The following DACH1 variants were observed in gnomAD, a reference collection of about 807,000 sequenced individuals.
DACH1 encodes dachshund family transcription factor 1.
DACH1 carries 12 observed loss-of-function variants against 54.2 expected under a neutral mutation model. The observed-to-expected ratio is 0.22, with a 90% CI of 0.14 to 0.36. The LOEUF (loss-of-function observed/expected upper bound fraction) is 0.36. DACH1 is among the 10% of genes least tolerant of loss of function. The probability of loss-of-function intolerance (pLI) is 1.00; values close to 1 mark genes in which losing one functional copy is unlikely to be tolerated. For synonymous variants in DACH1, 386 were observed against 366.2 expected (o/e 1.05, Z -0.62); for missense variants, 805 against 929.8 (o/e 0.87, Z 1.75).
intron 2 of DACH1, among the ~76,000 whole-genome samples, chr13:71,644,882 G>A (rs1878158480): frequency 6.6e-6 from 1 of 152,198 alleles, no homozygotes; most frequent in Admixed American, 6.5e-5. Flanking sequence ...CAAGGATGGA[G>A]CAGGTTTATA....
chr13:71,742,063 T>C (rs1884411433), intron 1 of DACH1, among the ~76,000 whole-genome samples: 1 of 152,170 alleles, frequency 6.6e-6, no homozygotes, highest in South Asian at 2.1e-4. Flanking sequence ...CTATTCTTAA[T>C]GACAATGAAT....
intron 6 of DACH1, among the ~76,000 whole-genome samples, chr13:71,516,033 G>T (rs576855539): frequency 2.6e-5 from 4 of 151,860 alleles, no homozygotes; most frequent in Non-Finnish European, 5.9e-5. Context: ...CAATAAGCAC[G>T]TTGGTAGGAG....
intron 4 of DACH1, 21 bp from the exon 5 acceptor site, chr13:71,559,976 A>C: frequency 6.7e-7 from 1 of 1,495,332 alleles, no homozygotes; most frequent in African/African-American, 1.4e-5. Context: ...AAGAGAGGGA[A>C]GGAGGGTAGA....
chr13:71,529,050 C>G (rs960920111), intron 6 of DACH1, among the ~76,000 whole-genome samples: 3 of 151,724 alleles, frequency 2.0e-5, no homozygotes, highest in African/African-American at 7.3e-5. Flanking sequence ...ATATATTTAC[C>G]AAAAGTGAAA....
intron 3 of DACH1, among the ~76,000 whole-genome samples, chr13:71,577,786 A>T (rs1005435113): frequency 2.0e-5 from 3 of 152,238 alleles, no homozygotes; most frequent in African/African-American, 7.2e-5. Flanking sequence ...ATTTTTAGGT[A>T]GGAAAGGGAA....
At chr13:71,763,687 CATTCCTCCATTTAT>C (rs1885496493) in intron 1 of DACH1, among the ~76,000 whole-genome samples, 1 of 152,140 alleles carries the variant, frequency 6.6e-6, no homozygotes, top group Non-Finnish European at 1.5e-5. Context: ...TGAGACTCTG[CATTCCTCCATTTAT>C]ATTCCTTTTT....
chr13:71,475,893 T>C, intron 8 of DACH1, 44 bp from the exon 9 acceptor site: 1 of 1,340,972 alleles, frequency 7.5e-7, no homozygotes, highest in Non-Finnish European at 9.9e-7. Flanking sequence ...TTTTTAAATT[T>C]TCATAATGCT....
At chr13:71,617,358 T>C (rs1246224112) in intron 3 of DACH1, among the ~76,000 whole-genome samples, 1 of 152,192 alleles carries the variant, frequency 6.6e-6, no homozygotes, top group African/African-American at 2.4e-5. Context: ...TTTCTCAACA[T>C]TCATGATTTA....
chr13:71,697,022 G>A (rs980989569), intron 1 of DACH1, among the ~76,000 whole-genome samples: 14 of 152,172 alleles, frequency 9.2e-5, no homozygotes, highest in East Asian at 1.9e-4. Flanking sequence ...CAACCACTAC[G>A]CAAAGTGCAC....
intron 1 of DACH1, among the ~76,000 whole-genome samples, chr13:71,723,762 C>G (rs1257434321): frequency 6.6e-6 from 1 of 152,164 alleles, no homozygotes; most frequent in African/African-American, 2.4e-5. Flanking sequence ...GCTGTCTTGG[C>G]TTACTGCAAC....
At chr13:71,862,631 G>A (rs1874432918) in intron 1 of DACH1, among the ~76,000 whole-genome samples, 1 of 151,942 alleles carries the variant, frequency 6.6e-6, no homozygotes, top group African/African-American at 2.4e-5. Flanking sequence ...TTGTGGTAAT[G>A]ACAGATGGCT....
intron 1 of DACH1, among the ~76,000 whole-genome samples, chr13:71,805,254 G>A (rs534871820): frequency 1.3e-5 from 2 of 152,174 alleles, no homozygotes; most frequent in African/African-American, 4.8e-5. Context: ...AACAAGGAGG[G>A]AATCTTGATG....
rs141416685 is a variant in DACH1 at position 71,499,178 on chromosome 13, T to A, written c.1571-10030A>T. 1.7e-3 allele frequency among the ~76,000 whole-genome samples: 198 copies of A among 117,658 alleles called. 2 individuals carry two copies. In the East Asian group the frequency reaches 0.042, roughly 25 times the overall value. The allele number at this position is 117,658 out of a possible 152,430, so 77.2% of individuals were successfully genotyped here. On this transcript the variant is annotated intron_variant, in intron 6 of 10. Coordinates refer to ENST00000613252, the MANE Select transcript of DACH1 (RefSeq NM_080759.6). ...ACACACTGATTTAACTTTCAAATAT[T>A]TTGGGTTGCATTCACATCTGCTTGA...
At chr13:71,812,025 G>T (rs116590842) in intron 1 of DACH1, among the ~76,000 whole-genome samples, 3,521 of 152,004 alleles carry the variant, frequency 0.023, 119 homozygotes, top group African/African-American at 0.079. Flanking sequence ...AAATTAAAAT[G>T]GTCTACAGCT....
chr13:71,573,084 T>A lies in DACH1; in HGVS notation c.1127-72A>T, dbSNP rs1885317059. On this transcript the variant is annotated intron_variant, in intron 3 of 10. Coordinates refer to ENST00000613252, the MANE Select transcript of DACH1 (RefSeq NM_080759.6). The stretch of plus-strand genomic sequence containing the variant: ...CATTAAAAATTGAAACAGTCAAAAG[T>A]TTTCTAATAATGGTAGTCAAAGAAA... The A allele has an allele frequency of 2.8e-6, 4 of 1,445,844 alleles. No homozygotes were observed. The South Asian group carries it at 5.4e-5, about 19-fold the overall frequency. The allele number at this position is 1,445,844 out of a possible 1,614,324, so 89.6% of individuals were successfully genotyped here.
At chr13:71,579,472 G>C (rs7320730) in intron 3 of DACH1, among the ~76,000 whole-genome samples, 8,251 of 152,130 alleles carry the variant, frequency 0.054, 731 homozygotes, top group African/African-American at 0.19. Context: ...TGATATCCAA[G>C]TGACTAATGT....
At chr13:71,847,083 G>A (rs375915453) in intron 1 of DACH1, among the ~76,000 whole-genome samples, 25 of 151,840 alleles carry the variant, frequency 1.6e-4, no homozygotes, top group African/African-American at 3.1e-4. Context: ...ACAAAACCTC[G>A]GCCCTATAAA....
At chr13:71,467,406 G>A (rs921479375) in intron 10 of DACH1, among the ~76,000 whole-genome samples, 1 of 149,122 alleles carries the variant, frequency 6.7e-6, no homozygotes, top group African/African-American at 2.5e-5. Context: ...GCTAAATGAC[G>A]AGTTAATGGG....
chr13:71,860,973 C>T (rs77379221), intron 1 of DACH1, among the ~76,000 whole-genome samples: 1 of 151,726 alleles, frequency 6.6e-6, no homozygotes, highest in Non-Finnish European at 1.5e-5. Flanking sequence ...CGTAGTAAAT[C>T]GCCAAAGACA....
Sources: allele counts gnomAD v4.1 joint callset (sites outside exome capture counted in the v4.1 genomes callset), GRCh38; gene constraint gnomAD v4.1.1; transcripts MANE v1.5; gene names NCBI Gene and HGNC (gene_info 2026-07-23, HGNC 2026-07-21).